Variants in RIF1 observed in about 807,000 individuals in gnomAD.
The protein encoded by RIF1 is telomere-associated protein RIF1.
RIF1 carries 45 observed loss-of-function variants against 247.1 expected under a neutral mutation model. That is an observed-to-expected ratio of 0.18 (90% CI 0.14 to 0.23). The LOEUF (loss-of-function observed/expected upper bound fraction) is 0.23, where lower values mean the gene tolerates loss of function less well. Among genes scored for constraint, RIF1 ranks in the 10% least tolerant of loss-of-function variants. RIF1 has a pLI of 1.00. For missense variants in RIF1, 2,967 were observed against 2,862.5 expected, an observed-to-expected ratio of 1.04 and a Z score of -0.83; for synonymous variants, 1,087 against 978.8, an observed-to-expected ratio of 1.11 and a Z score of -2.06.
intron 15 of RIF1, among the ~76,000 whole-genome samples, chr2:151,440,684 G>A (rs1483796869): frequency 1.3e-5 from 2 of 152,166 alleles, no homozygotes; most frequent in African/African-American, 4.8e-5. Flanking sequence ...TTCTGTAGCA[G>A]TATAGCATAG....
intron 20 of RIF1, among the ~76,000 whole-genome samples, chr2:151,449,587 G>C (rs1316705948): frequency 1.3e-5 from 2 of 152,154 alleles, no homozygotes; most frequent in African/African-American, 4.8e-5. Flanking sequence ...GAGTGGGTTG[G>C]ACTACGTGAT....
At chr2:151,527,385 G>T in the RIF1 span, 2 of 1,044,098 alleles carry the variant, frequency 1.9e-6, no homozygotes, top group African/African-American at 1.6e-5. Flanking sequence ...ACGAGCAAGG[G>T]TTAACACTCA....
At chr2:151,462,609 C>G (rs1696357639) in intron 29 of RIF1, 143 bp downstream of exon 29, 2 of 604,462 alleles carry the variant, frequency 3.3e-6, no homozygotes, top group Non-Finnish European at 5.7e-6. Flanking sequence ...CCTTTTAACT[C>G]CCATTCAGAT....
intron 7 of RIF1, among the ~76,000 whole-genome samples, chr2:151,421,381 G>T (rs1688137434): frequency 6.6e-6 from 1 of 152,188 alleles, no homozygotes; most frequent in African/African-American, 2.4e-5. Flanking sequence ...CCAGACAAGA[G>T]AACTATGAGG....
intron 1 of RIF1, 51 bp from the exon 2 acceptor site, chr2:151,410,363 G>C (rs971451033): frequency 6.8e-7 from 1 of 1,471,090 alleles, no homozygotes; most frequent in South Asian, 1.2e-5. Flanking sequence ...GCCGCCGCGG[G>C]GCTGTTTCCA....
Position 151,446,570 on chromosome 2 carries a change from T to A in RIF1, c.2239T>A (p.Phe747Ile). Residue 747 changes from phenylalanine to isoleucine, a missense_variant, in exon 20 of 36, where the codon TTT becomes ATT. This residue lies in a region of RIF1 where 2,028 missense variants were observed against 1,825.6 expected (regional missense o/e 1.11). Transcript: ENST00000444746. ...AATGTCCAGTTTGGAAGATGAAGGC[T>A]TTTCTGTGAGTTTGTCCTGATGCTA... ...KIMSSLEDEG[F>I]SNLLFVDRII... 1 of 1,612,128 alleles carries A rather than the reference T, an allele frequency of 6.2e-7. No individual in the cohort carries two copies. Among genetic ancestry groups the A allele is most frequent in the Non-Finnish European group, 8.5e-7 (1 of 1,179,666 alleles).
chr2:151,452,230 A>T (rs1365348258), intron 21 of RIF1, among the ~76,000 whole-genome samples: 1 of 152,218 alleles, frequency 6.6e-6, no homozygotes, highest in African/African-American at 2.4e-5. Context: ...GACAATTGGG[A>T]TCATAACAAG....
At chr2:151,467,661 A>G (rs1697159795) in intron 30 of RIF1, among the ~76,000 whole-genome samples, 1 of 152,150 alleles carries the variant, frequency 6.6e-6, no homozygotes, top group South Asian at 2.1e-4. Flanking sequence ...TTTTTACATC[A>G]GTCTTCTTTC....
downstream of RIF1, chr2:151,508,056 C>A: frequency 6.2e-7 from 1 of 1,611,186 alleles, no homozygotes; most frequent in Non-Finnish European, 8.5e-7. Context: ...CTGGGGTGTC[C>A]AAAACAGTCT....
At chr2:151,519,523 T>A in the RIF1 span, 1 of 695,996 alleles carries the variant, frequency 1.4e-6, no homozygotes, top group Non-Finnish European at 2.4e-6. Flanking sequence ...TCTGTTGGTA[T>A]GAAAACATTT....
At chr2:151,525,997 G>C in the RIF1 span, 7,102 of 1,613,972 alleles carry the variant, frequency 4.4e-3, 26 homozygotes, top group Non-Finnish European at 5.5e-3. Context: ...CGTGAACAGT[G>C]TCCCGGGTCT....
rs1355603459 is a variant in RIF1, at chr2:151,466,072, A to G, written c.6552A>G (p.Arg2184=). ...CTCCGTCTACGAGCATTTTAAAGAG[A>G]GGACTAAAAAGATCCCAAGAAGATG... The part of the protein sequence containing the change: ...LASPSTSILK[R]GLKRSQEDEI... Residue 2184 remains arginine (R), a synonymous_variant, in exon 30 of 36, where the codon AGA becomes AGG. Transcript: ENST00000444746. 6.2e-7 allele frequency: 1 copy of G among 1,602,228 alleles called. No homozygotes were observed. Among genetic ancestry groups the G allele is most frequent in the South Asian group, 1.1e-5 (1 of 89,722 alleles).
chr2:151,518,337 G>T, the RIF1 span: 1 of 1,606,936 alleles, frequency 6.2e-7, no homozygotes, highest in Admixed American at 1.7e-5. Context: ...TAATTCTGTG[G>T]CCTCTTTTAG....
At position 151,426,579 on chromosome 2, in the gene RIF1, A is replaced by C. The variant is rs113255280; in HGVS notation, c.787-2205A>C. On this transcript the variant is annotated intron_variant, in intron 8 of 35. Coordinates refer to ENST00000444746, the MANE Select transcript of RIF1 (RefSeq NM_018151.5). Reference sequence around the variant, plus strand: ...GGTAGGGATTGTGATGAATCTGCATATAATGCCTTGAGTAGTTAGCATTTC... The same window carrying C: ...GGTAGGGATTGTGATGAATCTGCATCTAATGCCTTGAGTAGTTAGCATTTC... 1.0e-3 allele frequency among the ~76,000 whole-genome samples: 156 copies of C among 152,218 alleles called. 1 individual carries two copies. Among genetic ancestry groups the C allele is most frequent in the African/African-American group, 3.6e-3 (150 of 41,550 alleles).
At chr2:151,525,998 T>A in the RIF1 span, 1 of 1,614,006 alleles carries the variant, frequency 6.2e-7, no homozygotes, top group South Asian at 1.1e-5. Flanking sequence ...GTGAACAGTG[T>A]CCCGGGTCTC....
chr2:151,442,767 ATTTTTTT>A (rs59128582), intron 16 of RIF1, among the ~76,000 whole-genome samples: 5 of 104,050 alleles, frequency 4.8e-5, no homozygotes, highest in African/African-American at 1.0e-4. Flanking sequence ...AAAGAGCTTG[ATTTTTTT>A]TTTTTTTTTT....
At chr2:151,410,208 A>AATGTGGCGTGGGCTCAG in intron 1 of RIF1, 175 bp downstream of exon 1, 1 of 634,698 alleles carries the variant, frequency 1.6e-6, no homozygotes, top group African/African-American at 1.8e-5. Flanking sequence ...CCCAGGCCCG[A>AATGTGGCGTGGGCTCAG]ATGTGGCGTG....
chr2:151,503,316 A>AAAT (rs1436326131), intron 12 of RIF1: 1 of 1,479,156 alleles, frequency 6.8e-7, no homozygotes, highest in African/African-American at 1.4e-5. Context: ...TTTTTATGGG[A>AAAT]AATAGTTTCT....
chr2:151,454,669 C>T (rs1443286169), intron 21 of RIF1, among the ~76,000 whole-genome samples: 2 of 151,854 alleles, frequency 1.3e-5, no homozygotes, highest in Non-Finnish European at 2.9e-5. Context: ...ATTCATGATC[C>T]GCCAAGTAGT....
Sources: gnomAD v4.1 joint callset for allele counts (sites outside exome capture counted in the v4.1 genomes callset) on GRCh38, gnomAD v4.1.1 for gene constraint, gnomAD v4.1.1 regional missense constraint, MANE v1.5 for transcripts, NCBI Gene and HGNC (gene_info 2026-07-23, HGNC 2026-07-21) for gene names.